The following PLCZ1 variants were observed in gnomAD, a reference collection of about 807,000 sequenced individuals.
PLCZ1 encodes the protein phospholipase C zeta 1, also known as 1-phosphatidylinositol 4,5-bisphosphate phosphodiesterase zeta-1.
In PLCZ1, 64 loss-of-function variants were observed where a neutral mutation model predicts 76.8. The ratio of observed to expected loss-of-function variants is 0.83; its 90% confidence interval spans 0.68 to 1.03. The LOEUF (loss-of-function observed/expected upper bound fraction) is 1.03, where lower values mean the gene tolerates loss of function less well. Among genes scored for constraint, PLCZ1 ranks in the 50% least tolerant of loss-of-function variants. PLCZ1 has a pLI of 0.00. For synonymous variants in PLCZ1, 248 were observed against 230.8 expected (o/e 1.07, Z -0.68); for missense variants, 751 against 713.7 (o/e 1.05, Z -0.60).
At chr12:18,661,318 G>A in the PLCZ1 span, among the ~76,000 whole-genome samples, 7 of 151,106 alleles carry the variant, frequency 4.6e-5, no homozygotes. Context: ...CTCCAAATGA[G>A]ATAACTCAGA....
chr12:18,648,255 T>A, the PLCZ1 span: 1 of 288,560 alleles, frequency 3.5e-6, no homozygotes, highest in Non-Finnish European at 6.4e-6. Context: ...TGCATGAAAT[T>A]TGATGTGTAA....
intron 3 of PLCZ1, among the ~76,000 whole-genome samples, chr12:18,727,788 G>A (rs1366263798): frequency 1.3e-5 from 2 of 152,098 alleles, no homozygotes; most frequent in Non-Finnish European, 2.9e-5. Flanking sequence ...TAGATGTTGG[G>A]ATTTAAAACA....
rs1592122920 is a variant in PLCZ1, at chr12:18,701,788, A to G, written c.865-12T>C. 6.3e-7 allele frequency: 1 copy of G among 1,589,170 alleles called. No individual in the cohort carries two copies. Among genetic ancestry groups the G allele is most frequent in the Non-Finnish European group, 8.6e-7 (1 of 1,167,770 alleles). Reference sequence around the variant, plus strand: ...TTGAATTTTAGTGCCTAAGGAAACAATTTGAGAGATACAATTACACATTTA... The same window carrying G: ...TTGAATTTTAGTGCCTAAGGAAACAGTTTGAGAGATACAATTACACATTTA... On this transcript the variant is annotated splice_polypyrimidine_tract_variant and intron_variant, in intron 7 of 14. Coordinates refer to ENST00000266505, the MANE Select transcript of PLCZ1 (RefSeq NM_033123.4).
chr12:18,716,033 A>AT (rs1317822790), intron 5 of PLCZ1, among the ~76,000 whole-genome samples: 4 of 152,208 alleles, frequency 2.6e-5, no homozygotes, highest in Non-Finnish European at 5.9e-5. Flanking sequence ...GCAAATGAAT[A>AT]TATTTCTTGG....
chr12:18,684,094 A>G, intron 14 of PLCZ1, 36 bp downstream of exon 14: 1 of 1,604,590 alleles, frequency 6.2e-7, no homozygotes, highest in South Asian at 1.1e-5. Flanking sequence ...TTATATTTAA[A>G]TGCTGGTACA....
chr12:18,697,025 A>C (rs1955162965), intron 10 of PLCZ1, among the ~76,000 whole-genome samples: 1 of 152,112 alleles, frequency 6.6e-6, no homozygotes, highest in Non-Finnish European at 1.5e-5. Flanking sequence ...AAGTCACTTG[A>C]GATTCAAACT....
chr12:18,664,860 A>G, the PLCZ1 span, among the ~76,000 whole-genome samples: 2 of 151,668 alleles, frequency 1.3e-5, no homozygotes, highest in African/African-American at 4.8e-5. Context: ...CTTTGTAGGG[A>G]CATGGATGAA....
intron 7 of PLCZ1, among the ~76,000 whole-genome samples, chr12:18,703,357 TAAATA>T (rs757798365): frequency 1.4e-4 from 22 of 152,312 alleles, no homozygotes; most frequent in Admixed American, 3.3e-4. Flanking sequence ...TTCACTGATT[TAAATA>T]AAATGTTAAA....
intron 13 of PLCZ1, among the ~76,000 whole-genome samples, chr12:18,686,499 T>C (rs1591985335): frequency 6.6e-6 from 1 of 151,400 alleles, no homozygotes; most frequent in Non-Finnish European, 1.5e-5. Context: ...GTTTTCTTCA[T>C]ATTTTAGGAC....
chr12:18,724,827 AT>A (rs1360797907), intron 3 of PLCZ1, among the ~76,000 whole-genome samples: 1 of 152,130 alleles, frequency 6.6e-6, no homozygotes, highest in Non-Finnish European at 1.5e-5. Context: ...ATCCCTGAAA[AT>A]TTTGGTTATA....
At chr12:18,731,288 A>G (rs1401516478) in intron 3 of PLCZ1, among the ~76,000 whole-genome samples, 3 of 151,986 alleles carry the variant, frequency 2.0e-5, no homozygotes, top group Non-Finnish European at 4.4e-5. Flanking sequence ...TTCCAGAGGA[A>G]AAAAAGCAGT....
At chr12:18,647,966 C>T in the PLCZ1 span, 84 of 1,601,888 alleles carry the variant, frequency 5.2e-5, 1 homozygote, top group Middle Eastern at 1.7e-4. Context: ...AATTAACATC[C>T]GACTCTGTAG....
chr12:18,737,533 C>A (rs972263282), intron 1 of PLCZ1, 24 bp from the exon 2 acceptor site: 12 of 927,106 alleles, frequency 1.3e-5, no homozygotes, highest in Non-Finnish European at 1.9e-5. Flanking sequence ...AGAGAACACA[C>A]AGTGGTTTTT....
chr12:18,683,685 C>T (rs207472700), intron 14 of PLCZ1: 1 of 1,223,884 alleles, frequency 8.2e-7, no homozygotes, highest in South Asian at 1.3e-5. Context: ...CAGTGTAAAT[C>T]ACCCTGGAAA....
intron 12 of PLCZ1, among the ~76,000 whole-genome samples, chr12:18,690,392 T>C (rs780524165): frequency 1.3e-5 from 2 of 151,890 alleles, no homozygotes; most frequent in Non-Finnish European, 2.9e-5. Context: ...CCCAGCTAAG[T>C]TTTTGTATGT....
At chr12:18,651,482 A>G in the PLCZ1 span, among the ~76,000 whole-genome samples, 1 of 152,174 alleles carries the variant, frequency 6.6e-6, no homozygotes, top group East Asian at 1.9e-4. Flanking sequence ...TCACTAGGCA[A>G]TTAGCCATAA....
At chr12:18,725,865 C>T (rs1565736011) in intron 3 of PLCZ1, among the ~76,000 whole-genome samples, 2 of 152,248 alleles carry the variant, frequency 1.3e-5, no homozygotes, top group South Asian at 2.1e-4. Flanking sequence ...GTGTCACCCA[C>T]TCTAGAAATC....
chr12:18,716,353 G>A (rs143036588), intron 5 of PLCZ1, among the ~76,000 whole-genome samples: 1,958 of 152,158 alleles, frequency 0.013, 42 homozygotes, highest in African/African-American at 0.045. Context: ...CATGGATCAA[G>A]TCAACCTTTA....
At chr12:18,650,706 A>G in the PLCZ1 span, among the ~76,000 whole-genome samples, 1,014 of 7,766 alleles carry the variant, frequency 0.13, 25 homozygotes, top group African/African-American at 0.25. Context: ...GTGTGTGTGT[A>G]TATATCTATA....
Sources: gnomAD v4.1 joint callset for allele counts (sites outside exome capture counted in the v4.1 genomes callset) on GRCh38, gnomAD v4.1.1 for gene constraint, MANE v1.5 for transcripts, NCBI Gene and HGNC (gene_info 2026-07-23, HGNC 2026-07-21) for gene names.